ZGRF1: variants seen among roughly 807,000 people sequenced by gnomAD.
The protein encoded by ZGRF1 is zinc finger GRF-type containing 1, also known as 5'-3' DNA helicase ZGRF1.
Under a neutral mutation model 203.5 loss-of-function variants are expected in ZGRF1, and 196 were observed. The ratio of observed to expected loss-of-function variants is 0.96; its 90% confidence interval spans 0.86 to 1.08. The LOEUF (loss-of-function observed/expected upper bound fraction) is 1.08. Ranked by LOEUF, ZGRF1 falls within the 50% of genes least tolerant of loss-of-function variation. The pLI is 0.00. For synonymous variants in ZGRF1, 809 were observed against 841.3 expected, an observed-to-expected ratio of 0.96 and a Z score of 0.66; for missense variants, 2,326 against 2,416.3, an observed-to-expected ratio of 0.96 and a Z score of 0.78.
At chr4:112,591,594 C>G (rs1013677910) in intron 10 of ZGRF1, among the ~76,000 whole-genome samples, 5 of 152,124 alleles carry the variant, frequency 3.3e-5, no homozygotes, top group South Asian at 2.1e-4. Flanking sequence ...TCACCCTCCC[C>G]CTCACTCACT....
At chr4:112,583,930 T>G (rs1746703954) in intron 15 of ZGRF1, 48 bp downstream of exon 15, 1 of 1,211,664 alleles carries the variant, frequency 8.3e-7, no homozygotes, top group East Asian at 2.4e-5. Flanking sequence ...TGAAGGCTGT[T>G]GTTCTCTTAT....
At chr4:112,611,201 G>A (rs916689324) in intron 7 of ZGRF1, among the ~76,000 whole-genome samples, 6 of 152,078 alleles carry the variant, frequency 3.9e-5, no homozygotes, top group Non-Finnish European at 7.4e-5. Context: ...TCAGGAGTTG[G>A]AGACCAGCCT....
Position 112,563,186 on chromosome 4 carries a change from A to C in ZGRF1, c.4527T>G (p.Asn1509Lys). The stretch of plus-strand genomic sequence containing the variant: ...CTTTCAAAGGCAGTATTTCTATCTC[A>C]TTGATAGATGATGGTCCAAAGAAAG... ...CSAFFGPSSI[N>K]EIEILPLKGY... The change falls in exon 17 of 28, where the codon AAT (asparagine) becomes AAG (lysine). Residue 1509 changes from asparagine (N) to lysine (K), a missense_variant. Physicochemically the swap from Asn to Lys is moderately conservative, Grantham distance 94 (BLOSUM62 0). Coordinates refer to ENST00000505019, the MANE Select transcript of ZGRF1 (RefSeq NM_018392.5). The C allele has an allele frequency of 3.9e-6, 6 of 1,548,150 alleles. No homozygotes were observed. The highest frequency in any genetic ancestry group is 5.2e-6 in the Non-Finnish European group (6 of 1,143,928).
intron 24 of ZGRF1, among the ~76,000 whole-genome samples, chr4:112,543,839 G>A (rs1173101469): frequency 6.6e-6 from 1 of 152,102 alleles, no homozygotes; most frequent in Non-Finnish European, 1.5e-5. Context: ...TAAGAATTTA[G>A]ATAACTTTTT....
At chr4:112,624,023 A>G in intron 3 of ZGRF1, 147 bp from the exon 4 acceptor site, 1 of 594,068 alleles carries the variant, frequency 1.7e-6, no homozygotes. Flanking sequence ...AAATTCATCT[A>G]TTTTGAATGT....
chr4:112,592,698 C>A (rs560341669), intron 10 of ZGRF1, among the ~76,000 whole-genome samples: 4 of 152,318 alleles, frequency 2.6e-5, no homozygotes, highest in African/African-American at 9.6e-5. Context: ...ATGTACTCAA[C>A]TTCTTACTTA....
intron 2 of ZGRF1, among the ~76,000 whole-genome samples, chr4:112,632,601 A>AT (rs1224277662): frequency 2.7e-4 from 41 of 152,348 alleles, no homozygotes; most frequent in African/African-American, 9.9e-4. Context: ...AGAAACAAAT[A>AT]TGAGAATCCA....
intron 2 of ZGRF1, among the ~76,000 whole-genome samples, chr4:112,632,880 C>G (rs2047457949): frequency 6.6e-6 from 1 of 152,136 alleles, no homozygotes; most frequent in Admixed American, 6.5e-5. Flanking sequence ...AATACTTGAT[C>G]TTAGCCAAAA....
chr4:112,617,393 C>A, intron 6 of ZGRF1, 47 bp downstream of exon 6: 1 of 1,368,674 alleles, frequency 7.3e-7, no homozygotes, highest in Non-Finnish European at 9.9e-7. Context: ...CTTTATAGCT[C>A]AAAGACCTAT....
chr4:112,599,131 C>T (rs551699714), intron 10 of ZGRF1, among the ~76,000 whole-genome samples: 51 of 151,958 alleles, frequency 3.4e-4, no homozygotes, highest in African/African-American at 1.2e-3. Context: ...ATGTAAAGAG[C>T]GAAGAGCTCC....
intron 2 of ZGRF1, 31 bp from the exon 3 acceptor site, chr4:112,632,041 T>A: frequency 2.8e-6 from 3 of 1,075,678 alleles, no homozygotes; most frequent in Non-Finnish European, 2.7e-6. Flanking sequence ...AGAAATGGTT[T>A]CCATTTATAT....
Position 112,626,857 on chromosome 4 carries a change from G to A in ZGRF1, c.103-2981C>T, listed in dbSNP as rs542121173. ...GTCTTGCTCTATTGCTCAAGCTACA[G>A]TGCAGTGGCATGATCTCAGATCACT... On this transcript the variant is annotated intron_variant, in intron 3 of 27. Transcript: ENST00000505019. Among the ~76,000 whole-genome samples, 5 of 152,050 alleles carry A rather than the reference G, an allele frequency of 3.3e-5. No individual in the cohort carries two copies. The South Asian group carries it at 1.0e-3, about 32-fold the overall frequency.
chr4:112,619,422 A>G lies in ZGRF1; in HGVS notation c.620T>C (p.Leu207Pro). ...SPSFQINPEV[L>P]CEENYFCSPV... ...TGAGCAAAAATAATTTTCTTCACAC[A>G]GCACTTCTGGGTTAATCTGGAAGGA... Residue 207 changes from leucine (L) to proline (P), a missense_variant, in exon 6 of 28, where the codon CTG (leucine) becomes CCG (proline). Physicochemically the swap from Leu to Pro is moderately conservative, Grantham distance 98. Coordinates refer to ENST00000505019, the MANE Select transcript of ZGRF1 (RefSeq NM_018392.5). 2 of 1,613,402 alleles carry G rather than the reference A, an allele frequency of 1.2e-6. No individual in the cohort carries two copies. Among genetic ancestry groups the G allele is most frequent in the Non-Finnish European group, 1.7e-6 (2 of 1,179,544 alleles).
chr4:112,606,256 T>C (rs1750760590), intron 8 of ZGRF1, among the ~76,000 whole-genome samples, 165 bp from the exon 9 acceptor site: 1 of 152,246 alleles, frequency 6.6e-6, no homozygotes. Context: ...TAGCTCTCCC[T>C]GGCAAAGGGG....
chr4:112,584,038 ATACTCT>A lies in ZGRF1; in HGVS notation c.4232_4237del (p.Lys1411_Ser1412del), dbSNP rs749120969. 9.3e-6 allele frequency: 15 copies of A among 1,613,366 alleles called. No homozygotes were observed. The South Asian group carries it at 1.5e-4, about 17-fold the overall frequency. On this transcript the variant is annotated inframe_deletion, in exon 15 of 28. Transcript: ENST00000505019. ...CTTTTGACTTCTTAAATATAAGCCA[ATACTCT>A]TAATATCACTTAAAACCATGCCAGG...
At chr4:112,561,178 G>T in intron 18 of ZGRF1, 183 bp from the exon 19 acceptor site, 1 of 575,644 alleles carries the variant, frequency 1.7e-6, no homozygotes, top group Non-Finnish European at 3.1e-6. Flanking sequence ...GAGGGTAGAA[G>T]AGAACTGACG....
Position 112,558,239 on chromosome 4 carries a change from C to G in ZGRF1, c.5031G>C (p.Lys1677Asn), listed in dbSNP as rs370534277. ...CATTTCCAATGGTGGGAGCTTCACTCTTTTCAAACAGCTGTACAAAGAACA... is the reference window on the plus strand; with the variant it reads ...CATTTCCAATGGTGGGAGCTTCACTGTTTTCAAACAGCTGTACAAAGAACA... ...VILFFVQLFE[K>N]SEAPTIGNAR... Residue 1677 changes from lysine to asparagine, a missense_variant, in exon 20 of 28, where the codon AAG (lysine) becomes AAC (asparagine). Physicochemically the swap from Lys to Asn is moderately conservative, Grantham distance 94 (BLOSUM62 0). Coordinates refer to ENST00000505019, the MANE Select transcript of ZGRF1 (RefSeq NM_018392.5). 2 of 1,605,566 alleles carry G rather than the reference C, an allele frequency of 1.2e-6. No homozygotes were observed. Among genetic ancestry groups the G allele is most frequent in the African/African-American group, 2.7e-5 (2 of 74,356 alleles).
At chr4:112,553,366 G>A (rs930131643) in intron 22 of ZGRF1, among the ~76,000 whole-genome samples, 2 of 152,230 alleles carry the variant, frequency 1.3e-5, no homozygotes, top group Admixed American at 6.5e-5. Context: ...CTGGAAGCTA[G>A]CGTCTGAGCC....
Position 112,587,472 on chromosome 4 carries a change from G to A in ZGRF1, c.3585C>T (p.Ser1195=), listed in dbSNP as rs756973264. The part of the protein sequence containing the change: ...SERQSDAVNE[S]SLDSVHLQMI... ...TTTGCAAATGCACAGAGTCTAAAGA[G>A]CTTTCATTGACAGCATCACTCTGTC... Residue 1195 remains serine, a synonymous_variant, in exon 12 of 28, where the codon AGC becomes AGT. Coordinates refer to ENST00000505019, the MANE Select transcript of ZGRF1 (RefSeq NM_018392.5). The A allele has an allele frequency of 6.2e-7, 1 of 1,613,918 alleles. No individual in the cohort carries two copies. Among genetic ancestry groups the A allele is most frequent in the Non-Finnish European group, 8.5e-7 (1 of 1,179,838 alleles).
Sources: gnomAD v4.1 joint callset for allele counts (sites outside exome capture counted in the v4.1 genomes callset) on GRCh38, gnomAD v4.1.1 for gene constraint, MANE v1.5 for transcripts, NCBI Gene and HGNC (gene_info 2026-07-23, HGNC 2026-07-21) for gene names.